Variants in CLCN3 observed in about 807,000 individuals in gnomAD.
CLCN3 encodes H(+)/Cl(-) exchange transporter 3.
Under a neutral mutation model 83.4 loss-of-function variants are expected in CLCN3, and 16 were observed. The observed-to-expected ratio is 0.19, with a 90% CI of 0.13 to 0.29. CLCN3 has a LOEUF of 0.29. Among genes scored for constraint, CLCN3 ranks in the 10% least tolerant of loss-of-function variants. The probability of loss-of-function intolerance (pLI) is 1.00; values close to 1 mark genes in which losing one functional copy is unlikely to be tolerated. For missense variants in CLCN3, 544 were observed against 1,006.0 expected (o/e 0.54, Z 6.21); for synonymous variants, 322 against 346.2 (o/e 0.93, Z 0.78).
chr4:169,651,146 CTTAA>C (rs200295122), intron 2 of CLCN3, among the ~76,000 whole-genome samples: 1,835 of 152,072 alleles, frequency 0.012, 12 homozygotes, highest in Non-Finnish European at 0.017. Context: ...CACTTACCAC[CTTAA>C]TTATTGTCAT....
At chr4:169,627,342 A>G (rs1292547416) in intron 1 of CLCN3, among the ~76,000 whole-genome samples, 1 of 152,120 alleles carries the variant, frequency 6.6e-6, no homozygotes, top group African/African-American at 2.4e-5. Flanking sequence ...ATTTTGCTAA[A>G]ATATTCCCTC....
chr4:169,692,901 C>T (rs1044779055), intron 7 of CLCN3, among the ~76,000 whole-genome samples: 3 of 152,184 alleles, frequency 2.0e-5, no homozygotes, highest in Non-Finnish European at 4.4e-5. Context: ...AGCCTGAGAT[C>T]TTCTACAAGA....
At chr4:169,702,800 A>G (rs1732845899) in intron 9 of CLCN3, 2 of 307,466 alleles carry the variant, frequency 6.5e-6, no homozygotes, top group Admixed American at 3.3e-5. Flanking sequence ...AAAAAAAAGA[A>G]AGCCAGGTGT....
chr4:169,664,408 A>T (rs10027932), intron 2 of CLCN3, among the ~76,000 whole-genome samples: 1 of 152,004 alleles, frequency 6.6e-6, no homozygotes, highest in African/African-American at 2.4e-5. Context: ...TTTGCACATT[A>T]TTTGAAAATC....
At chr4:169,665,054 T>C (rs1009443941) in intron 2 of CLCN3, among the ~76,000 whole-genome samples, 2 of 152,226 alleles carry the variant, frequency 1.3e-5, no homozygotes, top group African/African-American at 4.8e-5. Flanking sequence ...TCTAACAAAT[T>C]TTATAAATTT....
At chr4:169,637,601 A>ACAG (rs1259742402) in intron 2 of CLCN3, among the ~76,000 whole-genome samples, 1 of 150,460 alleles carries the variant, frequency 6.6e-6, no homozygotes, top group Non-Finnish European at 1.5e-5. Context: ...ACCACCAACA[A>ACAG]CAACAACAAA....
intron 9 of CLCN3, 54 bp downstream of exon 9, chr4:169,697,788 T>G (rs979535067): frequency 8.5e-7 from 1 of 1,171,230 alleles, no homozygotes; most frequent in Non-Finnish European, 1.2e-6. Flanking sequence ...TCAAAACTTA[T>G]ATGTGGAATG....
At chr4:169,677,473 C>G (rs1299029237) in intron 2 of CLCN3, among the ~76,000 whole-genome samples, 1 of 152,230 alleles carries the variant, frequency 6.6e-6, no homozygotes, top group Non-Finnish European at 1.5e-5. Flanking sequence ...TATTTACTCT[C>G]TGGCTCTTTG....
intron 11 of CLCN3, among the ~76,000 whole-genome samples, chr4:169,708,821 C>T (rs1231976734): frequency 1.3e-5 from 2 of 151,936 alleles, no homozygotes; most frequent in Non-Finnish European, 2.9e-5. Flanking sequence ...CAAGCCATGT[C>T]ATCAGAAATG....
At chr4:169,658,895 A>C (rs1409041820) in intron 2 of CLCN3, among the ~76,000 whole-genome samples, 1 of 152,120 alleles carries the variant, frequency 6.6e-6, no homozygotes, top group East Asian at 1.9e-4. Flanking sequence ...TTAAAATATA[A>C]AAACTTGATT....
At chr4:169,631,060 A>G (rs184436245) in intron 1 of CLCN3, among the ~76,000 whole-genome samples, 7 of 152,318 alleles carry the variant, frequency 4.6e-5, no homozygotes, top group Admixed American at 2.6e-4. Flanking sequence ...GGCTGAGCCA[A>G]TTTACATTCC....
At chr4:169,667,041 T>A (rs1731269216) in intron 2 of CLCN3, among the ~76,000 whole-genome samples, 1 of 152,212 alleles carries the variant, frequency 6.6e-6, no homozygotes, top group African/African-American at 2.4e-5. Context: ...CTATTTTTTT[T>A]ATTTTTGTCC....
rs143513359 is a variant in CLCN3, at chr4:169,625,088, G to C, written c.-17+4025G>C. Among the ~76,000 whole-genome samples the C allele has an allele frequency of 7.8e-4, 118 of 152,236 alleles. No homozygotes were observed. In the Middle Eastern group the frequency reaches 0.014, roughly 18 times the overall value. On this transcript the variant is annotated intron_variant, in intron 1 of 12. Transcript: ENST00000513761. ...TTACAGGTGTGAGCCACTGCACCTGGCCTCTTTTCACGTTTCAATCTGTGA... is the reference window on the plus strand; with the variant it reads ...TTACAGGTGTGAGCCACTGCACCTGCCCTCTTTTCACGTTTCAATCTGTGA...
At chr4:169,649,854 C>A (rs755314352) in intron 2 of CLCN3, among the ~76,000 whole-genome samples, 3 of 152,112 alleles carry the variant, frequency 2.0e-5, no homozygotes, top group African/African-American at 7.2e-5. Flanking sequence ...GAGGCCGAAG[C>A]GGGCAGATTG....
At position 169,703,929 on chromosome 4, in the gene CLCN3, A is replaced by G. The variant is rs1247110720; in HGVS notation, c.1564-69A>G. The G allele has an allele frequency of 9.8e-6, 14 of 1,422,634 alleles. No homozygotes were observed. The East Asian group carries it at 2.1e-4, about 21-fold the overall frequency. 88.1% of individuals were successfully genotyped at this position (1,422,634 alleles called of 1,614,324 possible). A position where few individuals can be genotyped will look rare whatever the true frequency, so the allele number is the denominator to read the frequency against. ...AATCAAAAGTGTTAGAAATAAATGC[A>G]TAGAATGTAAGTTTCAGGCATGTGA... On this transcript the variant is annotated intron_variant, in intron 9 of 12. Transcript: ENST00000513761.
intron 2 of CLCN3, among the ~76,000 whole-genome samples, chr4:169,648,532 C>G (rs533039627): frequency 6.6e-6 from 1 of 152,266 alleles, no homozygotes; most frequent in East Asian, 1.9e-4. Flanking sequence ...TTTTTCTAGA[C>G]TTAATTCTAT....
In CLCN3 at chr4:169,722,625, T is replaced by C. The variant is rs1477975237; in HGVS notation, c.*2628T>C. 1.3e-5 allele frequency: 2 copies of C among 152,244 alleles called. No individual in the cohort carries two copies. The highest frequency in any genetic ancestry group is 3.8e-4 in the East Asian group (2 of 5,200). The allele number at this position is 152,244 out of a possible 1,614,324, so 9.4% of individuals were successfully genotyped here. On this transcript the variant is annotated 3_prime_UTR_variant, in exon 13 of 13. Coordinates refer to ENST00000513761, the MANE Select transcript of CLCN3 (RefSeq NM_001829.4). ...AGTTTATTTTATCATATTTCCCTTT[T>C]TTATTTCTGCTCCTCCTTTAATTGC...
intron 12 of CLCN3, among the ~76,000 whole-genome samples, chr4:169,718,255 CTTT>C (rs74320481): frequency 7.1e-6 from 1 of 141,004 alleles, no homozygotes; most frequent in Non-Finnish European, 1.6e-5. Flanking sequence ...CCCGCAAGCC[CTTT>C]TTTTTTTTTT....
Position 169,722,272 on chromosome 4 carries a change from A to C in CLCN3, c.*2275A>C, listed in dbSNP as rs993416857. The C allele has an allele frequency of 7.2e-5, 11 of 152,246 alleles. No homozygotes were observed. Among genetic ancestry groups the C allele is most frequent in the African/African-American group, 2.7e-4 (11 of 41,474 alleles). 9.4% of individuals were successfully genotyped at this position (152,246 alleles called of 1,614,324 possible). ...TGAAGCCATATAAGAATGAGGATTG[A>C]AAGTTGAGCAAAATTTTCGGGATTT... On this transcript the variant is annotated 3_prime_UTR_variant, in exon 13 of 13. Transcript: ENST00000513761.
Sources: gnomAD v4.1 joint callset for allele counts (sites outside exome capture counted in the v4.1 genomes callset) on GRCh38, gnomAD v4.1.1 for gene constraint, MANE v1.5 for transcripts, NCBI Gene and HGNC (gene_info 2026-07-23, HGNC 2026-07-21) for gene names.